Variants in RFX7 observed in about 807,000 individuals in gnomAD.
RFX7 encodes DNA-binding protein RFX7.
In RFX7, 26 loss-of-function variants were observed where a neutral mutation model predicts 111.8. The observed-to-expected ratio is 0.23, with a 90% CI of 0.17 to 0.32. RFX7 has a LOEUF of 0.32. RFX7 is among the 10% of genes least tolerant of loss of function. The pLI, the probability that RFX7 is intolerant of heterozygous loss-of-function variation, is 1.00. For synonymous variants in RFX7, 624 were observed against 624.4 expected, an observed-to-expected ratio of 1.00 and a Z score of 0.01; for missense variants, 1,573 against 1,772.9, an observed-to-expected ratio of 0.89 and a Z score of 2.02.
chr15:56,134,679 T>C (rs1274821069), intron 5 of RFX7, among the ~76,000 whole-genome samples: 4 of 150,290 alleles, frequency 2.7e-5, no homozygotes, highest in Non-Finnish European at 5.9e-5. Flanking sequence ...GCAGGTTACT[T>C]ACATATGTAT....
At chr15:56,223,237 G>A (rs528242476) in intron 2 of RFX7, among the ~76,000 whole-genome samples, 2 of 152,262 alleles carry the variant, frequency 1.3e-5, no homozygotes, top group Non-Finnish European at 2.9e-5. Context: ...TAAAGATTCA[G>A]AATGATCCCC....
chr15:56,159,693 T>G (rs1177888080), intron 3 of RFX7, among the ~76,000 whole-genome samples: 1 of 152,204 alleles, frequency 6.6e-6, no homozygotes, highest in Non-Finnish European at 1.5e-5. Context: ...AACAATATTC[T>G]ATATTGCAAA....
chr15:56,238,998 T>A (rs1029640271), intron 2 of RFX7, among the ~76,000 whole-genome samples: 2 of 151,854 alleles, frequency 1.3e-5, no homozygotes, highest in Admixed American at 1.3e-4. Context: ...CACACCTGGA[T>A]AATTTTTTGG....
intron 5 of RFX7, among the ~76,000 whole-genome samples, chr15:56,116,150 C>T (rs1567014152): frequency 6.6e-6 from 1 of 152,074 alleles, no homozygotes; most frequent in Non-Finnish European, 1.5e-5. Context: ...CATTTCTGAA[C>T]TCATGTTAGT....
intron 5 of RFX7, among the ~76,000 whole-genome samples, chr15:56,139,235 C>T (rs2042351582): frequency 1.3e-5 from 2 of 151,044 alleles, no homozygotes; most frequent in South Asian, 4.2e-4. Context: ...CCATTCTCCC[C>T]ATCACTTTCA....
At chr15:56,244,633 A>G (rs1009383865), upstream of RFX7, among the ~76,000 whole-genome samples, 3 of 84,644 alleles carry the variant, frequency 3.5e-5, no homozygotes, top group Admixed American at 1.9e-4. Flanking sequence ...ACCGCTCCCA[A>G]TTCCACCCAG....
intron 5 of RFX7, among the ~76,000 whole-genome samples, chr15:56,136,332 A>G (rs12916150): frequency 0.97 from 124,242 of 128,586 alleles, 60,178 homozygotes; most frequent in Non-Finnish European, 1. Flanking sequence ...GGTCCTTCAC[A>G]TCCCTTGTAA....
intron 5 of RFX7, among the ~76,000 whole-genome samples, chr15:56,111,086 G>T (rs1340470227): frequency 3.4e-4 from 42 of 122,846 alleles, no homozygotes; most frequent in African/African-American, 1.2e-3. Flanking sequence ...GCCTCTGCCC[G>T]GCCGCCCCTA....
At chr15:56,177,756 G>A (rs2042917921) in intron 3 of RFX7, among the ~76,000 whole-genome samples, 1 of 152,064 alleles carries the variant, frequency 6.6e-6, no homozygotes, top group South Asian at 2.1e-4. Flanking sequence ...GCTTACCACT[G>A]TACTCTCGTA....
At chr15:56,240,243 T>G (rs1165363837) in intron 2 of RFX7, among the ~76,000 whole-genome samples, 2 of 152,144 alleles carry the variant, frequency 1.3e-5, no homozygotes, top group Non-Finnish European at 2.9e-5. Context: ...GTCAGTGATT[T>G]GGACCTTTTG....
intron 3 of RFX7, among the ~76,000 whole-genome samples, chr15:56,172,776 T>G (rs1327649408): frequency 6.6e-6 from 1 of 152,150 alleles, no homozygotes; most frequent in Non-Finnish European, 1.5e-5. Flanking sequence ...TAGTGGAGAA[T>G]AGTGGAAAAT....
chr15:56,204,019 CTTT>C (rs139030100), intron 2 of RFX7, among the ~76,000 whole-genome samples: 4 of 120,822 alleles, frequency 3.3e-5, no homozygotes, highest in Non-Finnish European at 5.0e-5. Context: ...GTAACAAAAC[CTTT>C]TTTTTTTTTT....
intron 2 of RFX7, among the ~76,000 whole-genome samples, chr15:56,218,033 G>C (rs1192997419): frequency 6.6e-6 from 1 of 150,486 alleles, no homozygotes; most frequent in Admixed American, 6.6e-5. Context: ...TGCCTGTACT[G>C]AACACACCCA....
chr15:56,090,550 G>A lies in RFX7; in HGVS notation c.*2795C>T, dbSNP rs2041583822. ...AGATCCAGTCAGTTTAATATAAAAT[G>A]TTTTTAATTGTTTTTGAAAACATTT... On this transcript the variant is annotated 3_prime_UTR_variant, in exon 10 of 10. Transcript: ENST00000559447. 6.6e-6 allele frequency: 1 copy of A among 152,534 alleles called. No homozygotes were observed. The highest frequency in any genetic ancestry group is 2.4e-5 in the African/African-American group (1 of 41,418). 9.4% of individuals were successfully genotyped at this position (152,534 alleles called of 1,614,324 possible).
chr15:56,138,816 G>A (rs2042345042), intron 5 of RFX7, among the ~76,000 whole-genome samples: 1 of 151,994 alleles, frequency 6.6e-6, no homozygotes, highest in Non-Finnish European at 1.5e-5. Flanking sequence ...GCCTGGTGGT[G>A]ACAAAATCTC....
chr15:56,183,902 T>A (rs1459507681), intron 2 of RFX7, among the ~76,000 whole-genome samples: 1 of 152,194 alleles, frequency 6.6e-6, no homozygotes, highest in African/African-American at 2.4e-5. Context: ...ACAAGGCAAC[T>A]TACAGATGGT....
chr15:56,149,525 T>C (rs74812861), intron 3 of RFX7, among the ~76,000 whole-genome samples: 30,122 of 152,138 alleles, frequency 0.2, 3,409 homozygotes, highest in East Asian at 0.44. Flanking sequence ...CTGGGACTGG[T>C]TGGAATGTGT....
At chr15:56,204,601 G>A (rs936725250) in intron 2 of RFX7, among the ~76,000 whole-genome samples, 7 of 152,112 alleles carry the variant, frequency 4.6e-5, no homozygotes, top group African/African-American at 1.7e-4. Context: ...TTAATGTAAA[G>A]TCTAATAACT....
intron 2 of RFX7, among the ~76,000 whole-genome samples, chr15:56,203,678 C>A (rs751651132): frequency 6.6e-6 from 1 of 152,094 alleles, no homozygotes; most frequent in Non-Finnish European, 1.5e-5. Context: ...AAAATGGCCA[C>A]GAGAGTGACC....
Sources: allele counts gnomAD v4.1 joint callset (sites outside exome capture counted in the v4.1 genomes callset), GRCh38; gene constraint gnomAD v4.1.1; transcripts MANE v1.5; gene names NCBI Gene and HGNC (gene_info 2026-07-23, HGNC 2026-07-21).